The following OSBPL3 variants were observed in gnomAD, a reference collection of about 807,000 sequenced individuals.
The protein encoded by OSBPL3 is oxysterol binding protein like 3.
OSBPL3 carries 65 observed loss-of-function variants against 120.1 expected under a neutral mutation model. The ratio of observed to expected loss-of-function variants is 0.54; its 90% confidence interval spans 0.44 to 0.67. The LOEUF (loss-of-function observed/expected upper bound fraction) is 0.67, where lower values mean the gene tolerates loss of function less well. Ranked by LOEUF, OSBPL3 falls within the 30% of genes least tolerant of loss-of-function variation. The pLI is 0.00. For missense variants in OSBPL3, 1,004 were observed against 1,082.1 expected, an observed-to-expected ratio of 0.93 and a Z score of 1.01; for synonymous variants, 416 against 402.6, an observed-to-expected ratio of 1.03 and a Z score of -0.40.
At chr7:24,892,897 T>TGATTTTTTATAGAACTG (rs1805584827) in intron 1 of OSBPL3, among the ~76,000 whole-genome samples, 1 of 152,218 alleles carries the variant, frequency 6.6e-6, no homozygotes, top group East Asian at 1.9e-4. Context: ...ATAAAAAATC[T>TGATTTTTTATAGAACTG]TAAAACACAG....
chr7:24,977,429 T>C (rs185509020), intron 1 of OSBPL3, among the ~76,000 whole-genome samples: 4 of 152,322 alleles, frequency 2.6e-5, no homozygotes, highest in Admixed American at 2.0e-4. Flanking sequence ...GGGGCGAGAA[T>C]TGAAGTCAGA....
At position 24,940,548 on chromosome 7, in the gene OSBPL3, G is replaced by A. The variant is rs1299733202; in HGVS notation, c.-150+39338C>T. ...AGAGAAAGCAGATGGGAAAGACAGG[G>A]GCCGTGATGGAGGAAAGGGTATTTC... On this transcript the variant is annotated intron_variant, in intron 1 of 22. Transcript: ENST00000313367. The surrounding 1 kb of genome is among the most constrained non-coding windows in gnomAD (Gnocchi z 4.4). Among the ~76,000 whole-genome samples, 2 of 152,086 alleles carry A rather than the reference G, an allele frequency of 1.3e-5. No individual in the cohort carries two copies. Among genetic ancestry groups the A allele is most frequent in the Non-Finnish European group, 2.9e-5 (2 of 68,020 alleles).
At chr7:24,971,140 C>G (rs1035964641) in intron 1 of OSBPL3, among the ~76,000 whole-genome samples, 1 of 152,238 alleles carries the variant, frequency 6.6e-6, no homozygotes, top group African/African-American at 2.4e-5. Context: ...CTCTGATCCT[C>G]GGACTGCCAG....
Position 24,943,475 on chromosome 7 carries a change from T to C in OSBPL3, c.-150+36411A>G, listed in dbSNP as rs550353724. Among the ~76,000 whole-genome samples the C allele has an allele frequency of 4.6e-5, 7 of 152,356 alleles. No individual in the cohort carries two copies. The South Asian group carries it at 1.4e-3, about 32-fold the overall frequency. ...AGCACCACATTCATAAATTGAAGTT[T>C]ATCACCTCAAATCTTACCTGCATAG... On this transcript the variant is annotated intron_variant, in intron 1 of 22. Coordinates refer to ENST00000313367, the MANE Select transcript of OSBPL3 (RefSeq NM_015550.4).
intron 1 of OSBPL3, among the ~76,000 whole-genome samples, chr7:24,961,486 G>A (rs1815732465): frequency 6.6e-6 from 1 of 152,124 alleles, no homozygotes; most frequent in Admixed American, 6.5e-5. Flanking sequence ...GCCTTTGAGA[G>A]GTGATTTAAG....
At chr7:24,958,620 T>C (rs1815355096) in intron 1 of OSBPL3, among the ~76,000 whole-genome samples, 1 of 152,192 alleles carries the variant, frequency 6.6e-6, no homozygotes, top group South Asian at 2.1e-4. Context: ...TTTTTAACAC[T>C]TCATAACAGT....
intron 2 of OSBPL3, among the ~76,000 whole-genome samples, chr7:24,880,634 A>G (rs1315188010): frequency 6.6e-6 from 1 of 152,194 alleles, no homozygotes; most frequent in African/African-American, 2.4e-5. Context: ...AGAGTGTGAC[A>G]CAGAATGAAG....
rs1375984361 is a variant in OSBPL3 at position 24,918,719 on chromosome 7, A to G, written c.-149-26098T>C. On this transcript the variant is annotated intron_variant, in intron 1 of 22. Transcript: ENST00000313367. The surrounding 1 kb of genome is among the most constrained non-coding windows in gnomAD (Gnocchi z 4.3). Reference sequence around the variant, plus strand: ...TAAGGCAGTGAACTTAGTCTGAAACATTATACAAATATCACAGCATAGACT... The same window carrying G: ...TAAGGCAGTGAACTTAGTCTGAAACGTTATACAAATATCACAGCATAGACT... Among the ~76,000 whole-genome samples, 1 of 152,226 alleles carries G rather than the reference A, an allele frequency of 6.6e-6. No homozygotes were observed. The highest frequency in any genetic ancestry group is 1.5e-5 in the Non-Finnish European group (1 of 68,036).
At chr7:24,829,817 T>A (rs754841731) in intron 16 of OSBPL3, among the ~76,000 whole-genome samples, 1 of 152,192 alleles carries the variant, frequency 6.6e-6, no homozygotes, top group African/African-American at 2.4e-5. Flanking sequence ...TTTAGGTAAA[T>A]AATCCCCTGT....
chr7:24,935,397 G>A (rs915430787), intron 1 of OSBPL3, among the ~76,000 whole-genome samples: 2 of 152,220 alleles, frequency 1.3e-5, no homozygotes, highest in Admixed American at 6.5e-5. Context: ...CACTTTGTGT[G>A]TATGTGTATA....
chr7:24,817,709 A>G lies in OSBPL3; in HGVS notation c.1949-1021T>C, dbSNP rs1023348806. 6.6e-6 allele frequency among the ~76,000 whole-genome samples: 1 copy of G among 152,208 alleles called. No homozygotes were observed. The highest frequency in any genetic ancestry group is 2.4e-5 in the African/African-American group (1 of 41,446). ...GGCGACAAGTTAAGAGGCTACTGCA[A>G]TTGCCCAGGGGATAACAAACGGGAT... On this transcript the variant is annotated intron_variant, in intron 17 of 22. Transcript: ENST00000313367. The surrounding 1 kb of genome is among the most constrained non-coding windows in gnomAD (Gnocchi z 4.0).
At chr7:24,911,250 A>G (rs979565152) in intron 1 of OSBPL3, among the ~76,000 whole-genome samples, 4 of 152,224 alleles carry the variant, frequency 2.6e-5, no homozygotes, top group African/African-American at 9.6e-5. Flanking sequence ...TTAAAATAAC[A>G]TCTGGTGGTT....
chr7:24,840,519 A>C (rs1797613547), intron 14 of OSBPL3, among the ~76,000 whole-genome samples, 171 bp downstream of exon 14: 1 of 152,256 alleles, frequency 6.6e-6, no homozygotes, highest in South Asian at 2.1e-4. Flanking sequence ...AATATGTGTT[A>C]ATCGAATGTT....
In OSBPL3 at chr7:24,849,061, C is replaced by T. The variant is rs898073739; in HGVS notation, c.1266+8G>A. On this transcript the variant is annotated splice_region_variant and intron_variant, in intron 12 of 22. Coordinates refer to ENST00000313367, the MANE Select transcript of OSBPL3 (RefSeq NM_015550.4). This position sits in a 1 kb window ranked among gnomAD's most constrained non-coding sequence, Gnocchi z 5.4. The stretch of plus-strand genomic sequence containing the variant: ...GGGGAGACATTACCAGACGAGAAAC[C>T]TACCCACCTCTGCCAGATTGTCACC... 1.9e-6 allele frequency: 3 copies of T among 1,605,512 alleles called. No individual in the cohort carries two copies. The highest frequency in any genetic ancestry group is 2.7e-5 in the African/African-American group (2 of 74,720).
intron 10 of OSBPL3, among the ~76,000 whole-genome samples, chr7:24,856,502 T>C (rs17150318): frequency 0.016 from 2,372 of 152,272 alleles, 37 homozygotes; most frequent in Middle Eastern, 0.041. Flanking sequence ...TAGTTATGAA[T>C]GCCATGGGTA....
rs542530318 is a variant in OSBPL3, at chr7:24,979,904, G to A, written c.-168C>T. On this transcript the variant is annotated 5_prime_UTR_variant, in exon 1 of 23. Transcript: ENST00000313367. ...CACTCACCTGAGCGCTGTGCAGCCG[G>A]AGACGCTCCCTAGTTCCCCGGGGCC... The A allele has an allele frequency of 2.8e-5, 27 of 968,792 alleles. No individual in the cohort carries two copies. The East Asian group carries it at 2.7e-3, about 96-fold the overall frequency. The allele number at this position is 968,792 out of a possible 1,614,324, so 60.0% of individuals were successfully genotyped here.
upstream of OSBPL3, chr7:24,981,749 GAGA>G (rs997963998): frequency 6.6e-5 from 10 of 152,368 alleles, no homozygotes; most frequent in East Asian, 1.9e-3. The surrounding 1 kb of genome is among the most constrained non-coding windows in gnomAD (Gnocchi z 7.3). Flanking sequence ...AAGCTTATTG[GAGA>G]AGATTTCAAA....
intron 10 of OSBPL3, among the ~76,000 whole-genome samples, chr7:24,853,714 G>A (rs1268754057): frequency 6.6e-6 from 1 of 152,116 alleles, no homozygotes; most frequent in African/African-American, 2.4e-5. Context: ...AGAACAACAC[G>A]AGGTATGAAT....
intron 1 of OSBPL3, among the ~76,000 whole-genome samples, chr7:24,917,173 G>C (rs1032793478): frequency 4.0e-5 from 6 of 151,774 alleles, no homozygotes; most frequent in African/African-American, 1.5e-4. Context: ...TTCTATAGCA[G>C]AAGTCAGTGG....
Sources: allele counts gnomAD v4.1 joint callset (sites outside exome capture counted in the v4.1 genomes callset), GRCh38; gene constraint gnomAD v4.1.1; non-coding constraint Gnocchi (gnomAD v3.1); transcripts MANE v1.5; gene names NCBI Gene and HGNC (gene_info 2026-07-23, HGNC 2026-07-21).